TAAR8: variants seen among roughly 807,000 people sequenced by gnomAD.
The protein encoded by TAAR8 is trace amine-associated receptor 8.
For synonymous variants in TAAR8, 157 were observed against 152.7 expected (o/e 1.03, Z -0.21); for missense variants, 459 against 405.8 (o/e 1.13, Z -1.13).
chr6:132,552,767 C>T (rs1240914764), exon 1 of TAAR8: 2 of 1,614,202 alleles, frequency 1.2e-6, no homozygotes, highest in Non-Finnish European at 8.5e-7. Flanking sequence ...TTGAAACTCC[C>T]TATTCTCCTG....
exon 1 of TAAR8, chr6:132,553,175 G>A (rs987421696): frequency 1.9e-5 from 31 of 1,614,102 alleles, no homozygotes; most frequent in Non-Finnish European, 2.4e-5. Context: ...TGCCTCTCAC[G>A]TACAGCGGTG....
At chr6:132,553,224 G>A in exon 1 of TAAR8, 1 of 1,614,180 alleles carries the variant, frequency 6.2e-7, no homozygotes, top group South Asian at 1.1e-5. Context: ...TGGGCTGGAG[G>A]AATTAGTAAG....
In TAAR8 at chr6:132,553,174, C is replaced by T. The variant is rs140382740; in HGVS notation, c.482C>T (p.Thr161Met). Reference sequence around the variant, plus strand: ...AGCGTGTCCTGGATTCTGCCTCTCACGTACAGCGGTGCTGTGTTCTACACA... The same window carrying T: ...AGCGTGTCCTGGATTCTGCCTCTCATGTACAGCGGTGCTGTGTTCTACACA... The change falls in exon 1 of 1, where the codon ACG (threonine) becomes ATG (methionine). Residue 161 changes from threonine (T) to methionine (M), a missense_variant. By Grantham distance (81) the Thr-to-Met change is moderately conservative (BLOSUM62 -1). Coordinates refer to ENST00000275200, the Ensembl canonical transcript of TAAR8. 106 of 1,614,016 alleles carry T rather than the reference C, an allele frequency of 6.6e-5. No individual in the cohort carries two copies. In the East Asian group the frequency reaches 8.2e-4, roughly 13 times the overall value.
At chr6:132,553,579 G>T in exon 1 of TAAR8, 1 of 1,613,994 alleles carries the variant, frequency 6.2e-7, no homozygotes. Flanking sequence ...GAAATTTGCT[G>T]TTGGAGTGCT....
exon 1 of TAAR8, chr6:132,553,697 A>C: frequency 6.4e-7 from 1 of 1,567,978 alleles, no homozygotes; most frequent in African/African-American, 1.4e-5. Context: ...CTAGTTCATC[A>C]ACCATTAGTT....
chr6:132,552,927 T>G, exon 1 of TAAR8: 1 of 1,614,226 alleles, frequency 6.2e-7, no homozygotes, highest in Non-Finnish European at 8.5e-7. Flanking sequence ...TGCTGACTTC[T>G]TGGTAGGTGT....
chr6:132,552,752 T>G, exon 1 of TAAR8: 1 of 1,614,218 alleles, frequency 6.2e-7, no homozygotes, highest in Non-Finnish European at 8.5e-7. Flanking sequence ...TGAATGGATC[T>G]TGTATTGAAA....
exon 1 of TAAR8, chr6:132,553,088 G>C (rs1776403960): frequency 6.2e-7 from 1 of 1,614,162 alleles, no homozygotes; most frequent in Non-Finnish European, 8.5e-7. Flanking sequence ...GGTACATTGT[G>C]GTTACTGATC....
chr6:132,553,275 C>T lies in TAAR8; in HGVS notation c.583C>T (p.Gln195Ter). Residue 195 changes from glutamine to a stop codon, truncating the protein, a stop_gained, in exon 1 of 1, where the codon CAA (glutamine) becomes TAA (stop). Coordinates refer to ENST00000275200, the Ensembl canonical transcript of TAAR8. LOFTEE classifies it low-confidence loss of function (END_TRUNC). ...AGGTGGCTGTCAAATTATTGTAAGT[C>T]AAGGCTGGGTGTTGATAGATTTTCT... is the stretch of plus-strand genomic sequence containing the variant. 3 of 1,614,170 alleles carry T rather than the reference C, an allele frequency of 1.9e-6. No homozygotes were observed. Among genetic ancestry groups the T allele is most frequent in the Non-Finnish European group, 2.5e-6 (3 of 1,180,028 alleles).
chr6:132,552,789 ATTCTGT>A, exon 1 of TAAR8: 1 of 1,614,174 alleles, frequency 6.2e-7, no homozygotes, highest in Non-Finnish European at 8.5e-7. Context: ...GTCCCGGGTA[ATTCTGT>A]ACACGGCGTT....
Position 132,553,581 on chromosome 6 carries a change from TG to T in TAAR8, c.891del (p.Trp297Ter). ...TGCCTATATCTATGAAATTTGCTGT[TG>T]GAGTGCTTATTATAACTCAGCCATG... On this transcript the variant is annotated frameshift_variant, in exon 1 of 1. Coordinates refer to ENST00000275200, the Ensembl canonical transcript of TAAR8. LOFTEE classifies it low-confidence loss of function (END_TRUNC). 1 of 1,614,114 alleles carries T rather than the reference TG, an allele frequency of 6.2e-7. No homozygotes were observed.
exon 1 of TAAR8, chr6:132,553,597 A>G: frequency 6.2e-7 from 1 of 1,614,002 alleles, no homozygotes. Context: ...GCTTATTATA[A>G]CTCAGCCATG....
chr6:132,552,927 T>C, exon 1 of TAAR8: 3 of 1,614,226 alleles, frequency 1.9e-6, no homozygotes, highest in Non-Finnish European at 2.5e-6. Flanking sequence ...TGCTGACTTC[T>C]TGGTAGGTGT....
exon 1 of TAAR8, chr6:132,553,320 C>T: frequency 1.9e-6 from 3 of 1,614,074 alleles, no homozygotes; most frequent in Non-Finnish European, 2.5e-6. Context: ...CATACCTACC[C>T]TTGTTATGAT....
exon 1 of TAAR8, chr6:132,553,589 T>G (rs977717253): frequency 8.7e-6 from 14 of 1,614,026 alleles, no homozygotes; most frequent in Non-Finnish European, 1.2e-5. Context: ...GTTGGAGTGC[T>G]TATTATAACT....
In TAAR8 at chr6:132,553,138, G is replaced by T. The variant is rs61744654; in HGVS notation, c.446G>T (p.Gly149Val). The T allele has an allele frequency of 1.5e-3, 2,375 of 1,614,168 alleles. 36 individuals are homozygous for T. The African/African-American group carries it at 0.027, about 18-fold the overall frequency. ...ACCAAGTTCACCGTGTCTGTGTCGG[G>T]AATTTGCATCAGCGTGTCCTGGATT... The change falls in exon 1 of 1, where the codon GGA becomes GTA. Residue 149 changes from glycine (G) to valine (V), a missense_variant. By Grantham distance (109) the Gly-to-Val change is moderately radical. Coordinates refer to ENST00000275200, the Ensembl canonical transcript of TAAR8.
chr6:132,553,436 G>A, exon 1 of TAAR8: 1 of 1,614,148 alleles, frequency 6.2e-7, no homozygotes, highest in Non-Finnish European at 8.5e-7. Context: ...AAATCAGAGT[G>A]GCCAAGAGAG....
exon 1 of TAAR8, chr6:132,553,061 C>T: frequency 6.2e-7 from 1 of 1,614,238 alleles, no homozygotes; most frequent in Non-Finnish European, 8.5e-7. Flanking sequence ...TCCACTTGTG[C>T]TTCATCTGCA....
In TAAR8 at chr6:132,553,156, C is replaced by A. The variant is rs780209885; in HGVS notation, c.464C>A (p.Ser155Tyr). 3.1e-6 allele frequency: 5 copies of A among 1,614,170 alleles called. No individual in the cohort carries two copies. The highest frequency in any genetic ancestry group is 1.1e-5 in the South Asian group (1 of 91,082). ...GTGTCGGGAATTTGCATCAGCGTGT[C>A]CTGGATTCTGCCTCTCACGTACAGC... The change falls in exon 1 of 1, where the codon TCC (serine) becomes TAC (tyrosine). Residue 155 changes from serine (S) to tyrosine (Y), a missense_variant. Ser to Tyr is a moderately radical substitution (Grantham distance 144). Transcript: ENST00000275200.
Sources: gnomAD v4.1 joint callset for allele counts on GRCh38, gnomAD v4.1.1 for gene constraint, MANE v1.5 for transcripts, NCBI Gene and HGNC (gene_info 2026-07-23, HGNC 2026-07-21) for gene names.